SLC39A12: variants seen among roughly 807,000 people sequenced by gnomAD.
SLC39A12 encodes the protein zinc transporter ZIP12.
Under a neutral mutation model 71.1 loss-of-function variants are expected in SLC39A12, and 63 were observed. That is an observed-to-expected ratio of 0.89 (90% CI 0.72 to 1.09). The LOEUF (loss-of-function observed/expected upper bound fraction) is 1.09, where lower values mean the gene tolerates loss of function less well. Ranked by LOEUF, SLC39A12 falls within the 50% of genes least tolerant of loss-of-function variation. The probability of loss-of-function intolerance (pLI) is 0.00; values close to 1 mark genes in which losing one functional copy is unlikely to be tolerated. For missense variants in SLC39A12, 892 were observed against 812.6 expected (o/e 1.10, Z -1.19); for synonymous variants, 351 against 301.3 (o/e 1.16, Z -1.71).
intron 2 of SLC39A12, among the ~76,000 whole-genome samples, chr10:17,956,243 G>C (rs1174064103): frequency 4.6e-5 from 7 of 152,058 alleles, no homozygotes. Context: ...GAATCATGTG[G>C]ACATAGATGT....
At chr10:17,974,885 G>A (rs897412009) in intron 4 of SLC39A12, among the ~76,000 whole-genome samples, 1 of 152,160 alleles carries the variant, frequency 6.6e-6, no homozygotes, top group Non-Finnish European at 1.5e-5. Context: ...AGGTCCAGAG[G>A]TGCCATACAG....
chr10:17,974,771 G>T (rs1835067227), intron 4 of SLC39A12, among the ~76,000 whole-genome samples: 1 of 152,064 alleles, frequency 6.6e-6, no homozygotes, highest in Non-Finnish European at 1.5e-5. Flanking sequence ...CCACTCCCCG[G>T]CTATGTTTGC....
chr10:17,993,148 C>A, intron 8 of SLC39A12, 33 bp from the exon 9 acceptor site: 2 of 1,469,332 alleles, frequency 1.4e-6, no homozygotes, highest in Non-Finnish European at 1.9e-6. Flanking sequence ...GTTCTTCTGG[C>A]TTCAACACTA....
chr10:17,953,407 C>T lies in SLC39A12; in HGVS notation c.131C>T (p.Ala44Val). The T allele has an allele frequency of 6.2e-7, 1 of 1,614,168 alleles. No individual in the cohort carries two copies. The highest frequency in any genetic ancestry group is 1.3e-5 in the African/African-American group (1 of 75,042). ...SRSRGSSGQP[A>V]DLLQVLSAGD... is the part of the protein sequence containing the mutation. ...AGCCGTGGGAGTTCAGGCCAACCGG[C>T]AGACCTGCTACAGGTTCTCTCTGCT... Residue 44 changes from alanine (A) to valine (V), a missense_variant, in exon 2 of 13, where the codon GCA (alanine) becomes GTA (valine). Transcript: ENST00000377369.
chr10:17,971,277 CTCCCCTCCCCTCCCCTCCCCTTCCT>C (rs1834967352), intron 4 of SLC39A12, among the ~76,000 whole-genome samples: 1 of 111,192 alleles, frequency 9.0e-6, no homozygotes, highest in African/African-American at 3.4e-5. Flanking sequence ...CTCCCCTCCC[CTCCCCTCCCCTCCCCTCCCCTTCCT>C]TTCCTGATGT....
chr10:17,978,095 A>C (rs777981356), intron 5 of SLC39A12, 21 bp downstream of exon 5: 26 of 1,529,084 alleles, frequency 1.7e-5, no homozygotes, highest in Admixed American at 1.2e-4. Context: ...TGTTTCTCTT[A>C]TTCAAGCATT....
intron 8 of SLC39A12, among the ~76,000 whole-genome samples, chr10:17,991,594 C>T (rs562827610): frequency 2.6e-5 from 4 of 152,168 alleles, no homozygotes; most frequent in Non-Finnish European, 5.9e-5. Flanking sequence ...ATTCTAGCTA[C>T]TAATCAGCGT....
chr10:18,016,485 T>C (rs576104786), intron 12 of SLC39A12, among the ~76,000 whole-genome samples: 3 of 152,352 alleles, frequency 2.0e-5, no homozygotes, highest in Admixed American at 6.5e-5. Context: ...TTGGTAATTA[T>C]GGATTAAGCT....
intron 2 of SLC39A12, among the ~76,000 whole-genome samples, chr10:17,954,294 C>T (rs1554847526): frequency 6.6e-6 from 1 of 152,140 alleles, no homozygotes; most frequent in Non-Finnish European, 1.5e-5. Context: ...CGCCCTGTTG[C>T]CCAGGCTGGA....
chr10:18,036,767 TATATATATATATATATATATATA>T lies in SLC39A12; in HGVS notation c.1948-5937_1948-5915del, dbSNP rs1161299599. On this transcript the variant is annotated intron_variant, in intron 12 of 12. Transcript: ENST00000377369. The stretch of plus-strand genomic sequence containing the variant: ...AAAATTATATATATATATATATATA[TATATATATATATATATATATATA>T]TATATTTTTTTTTTTAATGGAATCT... Among the ~76,000 whole-genome samples the T allele has an allele frequency of 1.8e-3, 126 of 68,708 alleles. 6 individuals carry two copies. Among genetic ancestry groups the T allele is most frequent in the Middle Eastern group, 7.8e-3 (1 of 128 alleles). 45.1% of individuals were successfully genotyped at this position (68,708 alleles called of 152,430 possible).
At chr10:18,025,245 T>C (rs956373006) in intron 12 of SLC39A12, among the ~76,000 whole-genome samples, 1 of 143,512 alleles carries the variant, frequency 7.0e-6, no homozygotes, top group Admixed American at 6.9e-5. Context: ...TATTTTTTTT[T>C]ATTATACTTT....
At chr10:18,032,963 C>G (rs1366036064) in intron 12 of SLC39A12, among the ~76,000 whole-genome samples, 1 of 145,466 alleles carries the variant, frequency 6.9e-6, no homozygotes, top group Non-Finnish European at 1.5e-5. Flanking sequence ...AATTGATTTG[C>G]GTATATTGAA....
chr10:18,021,268 A>G (rs1035753785), intron 12 of SLC39A12, among the ~76,000 whole-genome samples: 8 of 151,916 alleles, frequency 5.3e-5, no homozygotes, highest in Non-Finnish European at 1.0e-4. Flanking sequence ...CAAAGATCAG[A>G]TCATTGTAAG....
intron 4 of SLC39A12, among the ~76,000 whole-genome samples, chr10:17,969,383 T>TTA (rs1387391371): frequency 2.1e-4 from 32 of 152,144 alleles, no homozygotes; most frequent in Non-Finnish European, 3.4e-4. Context: ...TCCATAGGGG[T>TTA]CATACTAACT....
chr10:17,958,233 A>G (rs4748429), intron 2 of SLC39A12, among the ~76,000 whole-genome samples: 42,882 of 151,850 alleles, frequency 0.28, 6,289 homozygotes, highest in South Asian at 0.4. Context: ...GGGTTGAAAT[A>G]TGGTCACATG....
At position 18,003,448 on chromosome 10, in the gene SLC39A12, G is replaced by C. The variant is rs190227480; in HGVS notation, c.1947+90G>C. On this transcript the variant is annotated intron_variant, in intron 12 of 12. Coordinates refer to ENST00000377369, the MANE Select transcript of SLC39A12 (RefSeq NM_001145195.2). ...ACAGTAAAAATGGAAGGATAAATGA[G>C]TAGAACAGAAGAATTTATAAAACAA... 8.6e-6 allele frequency: 10 copies of C among 1,168,454 alleles called. No homozygotes were observed. The South Asian group carries it at 1.2e-4, about 14-fold the overall frequency. The allele number at this position is 1,168,454 out of a possible 1,614,324, so 72.4% of individuals were successfully genotyped here.
intron 4 of SLC39A12, among the ~76,000 whole-genome samples, chr10:17,966,843 G>T (rs145839679): frequency 4.6e-5 from 7 of 151,684 alleles, no homozygotes; most frequent in Admixed American, 4.6e-4. Context: ...GCGTGGTGGC[G>T]TGTGCCTGTA....
intron 2 of SLC39A12, among the ~76,000 whole-genome samples, chr10:17,958,729 A>C (rs1300425537): frequency 6.6e-6 from 1 of 152,220 alleles, no homozygotes; most frequent in Non-Finnish European, 1.5e-5. Context: ...AGAAAGGTGT[A>C]ATTCATGTGT....
At chr10:18,040,396 C>T (rs1430102623) in intron 12 of SLC39A12, among the ~76,000 whole-genome samples, 1 of 152,156 alleles carries the variant, frequency 6.6e-6, no homozygotes. Context: ...AAACCACCCT[C>T]ATGCCATTGA....
Sources: allele counts gnomAD v4.1 joint callset (sites outside exome capture counted in the v4.1 genomes callset), GRCh38; gene constraint gnomAD v4.1.1; transcripts MANE v1.5; gene names NCBI Gene and HGNC (gene_info 2026-07-23, HGNC 2026-07-21).